The following LRRC8A variants were observed in gnomAD, a reference collection of about 807,000 sequenced individuals.
LRRC8A encodes leucine rich repeat containing 8 VRAC subunit A.
In LRRC8A, 24 loss-of-function variants were observed where a neutral mutation model predicts 52.5. The observed-to-expected ratio is 0.46, with a 90% confidence interval of 0.33 to 0.64. The LOEUF (loss-of-function observed/expected upper bound fraction) is 0.64, where lower values mean the gene tolerates loss of function less well. LRRC8A is among the 30% of genes least tolerant of loss of function. The pLI, the probability that LRRC8A is intolerant of heterozygous loss-of-function variation, is 0.02. For synonymous variants in LRRC8A, 492 were observed against 494.2 expected (o/e 1.00, Z 0.06); for missense variants, 677 against 1,094.7 (o/e 0.62, Z 5.38).
chr9:128,913,976 G>A (rs145011544), intron 3 of LRRC8A, among the ~76,000 whole-genome samples: 2,122 of 152,246 alleles, frequency 0.014, 19 homozygotes, highest in Non-Finnish European at 0.021. Context: ...AGGCCGAGGC[G>A]GGCAGATCAC....
intron 3 of LRRC8A, among the ~76,000 whole-genome samples, chr9:128,912,975 A>C (rs16930763): frequency 1.1e-4 from 16 of 152,138 alleles, no homozygotes; most frequent in African/African-American, 3.9e-4. Context: ...GGTGTGTCTC[A>C]TGTCAGGTGT....
chr9:128,902,201 A>C lies in LRRC8A; in HGVS notation c.-8-4956A>C, dbSNP rs891950429. Among the ~76,000 whole-genome samples the C allele has an allele frequency of 6.6e-6, 1 of 151,186 alleles. No homozygotes were observed. The highest frequency in any genetic ancestry group is 1.5e-5 in the Non-Finnish European group (1 of 67,760). On this transcript the variant is annotated intron_variant, in intron 2 of 3. Transcript: ENST00000372600. The surrounding 1 kb of genome is among the most constrained non-coding windows in gnomAD (Gnocchi z 4.1). ...CTGAAGCAGAAGTCCCACCTTGATCATTTTTTTTTACCCCCGCTGGACCTA... is the reference window on the plus strand; with the variant it reads ...CTGAAGCAGAAGTCCCACCTTGATCCTTTTTTTTTACCCCCGCTGGACCTA...
At chr9:128,914,830 A>G (rs1392028910) in intron 3 of LRRC8A, among the ~76,000 whole-genome samples, 1 of 152,224 alleles carries the variant, frequency 6.6e-6, no homozygotes, top group African/African-American at 2.4e-5. Flanking sequence ...TCCTCGCAGC[A>G]GGGCAGGGAA....
Position 128,909,224 on chromosome 9 carries a change from T to C in LRRC8A, c.2060T>C (p.Leu687Pro). Residue 687 changes from leucine (L) to proline (P), a missense_variant, in exon 3 of 4, where the codon CTG becomes CCG. Around this residue, in one of 4 missense-constraint regions of LRRC8A, gnomAD observed 169 missense variants for 217.6 expected, o/e 0.78. Coordinates refer to ENST00000372600, the MANE Select transcript of LRRC8A (RefSeq NM_019594.4). Reference protein sequence around the residue: ...IPTQLFYCRKLRYLDLSHNNL... With the variant: ...IPTQLFYCRKPRYLDLSHNNL... ...ACCCAGCTCTTCTACTGCCGCAAGC[T>C]GCGCTACCTGGACCTCAGCCACAAC... The C allele has an allele frequency of 1.2e-6, 2 of 1,614,144 alleles. No individual in the cohort carries two copies. The highest frequency in any genetic ancestry group is 1.7e-6 in the Non-Finnish European group (2 of 1,180,040).
rs1425799942 is a variant in LRRC8A, at chr9:128,917,012, T to C, written c.*641T>C. ...CTGGAGCTTGCCTCTTCAGTATTTG[T>C]GGCAGTTTTAGTTTTTTGTTTTTTT... is the stretch of plus-strand genomic sequence containing the variant. On this transcript the variant is annotated 3_prime_UTR_variant, in exon 4 of 4. Coordinates refer to ENST00000372600, the MANE Select transcript of LRRC8A (RefSeq NM_019594.4). 6.8e-6 allele frequency: 1 copy of C among 147,068 alleles called. No individual in the cohort carries two copies. The highest frequency in any genetic ancestry group is 2.5e-5 in the African/African-American group (1 of 39,500). The allele number at this position is 147,068 out of a possible 1,614,324, so 9.1% of individuals were successfully genotyped here. A position where few individuals can be genotyped will look rare whatever the true frequency, so the allele number is the denominator to read the frequency against.
At chr9:128,914,634 G>A (rs140438821) in intron 3 of LRRC8A, among the ~76,000 whole-genome samples, 2 of 152,318 alleles carry the variant, frequency 1.3e-5, no homozygotes, top group East Asian at 3.9e-4. Context: ...GAAAATGGGG[G>A]CGGTGATAGA....
Position 128,916,014 on chromosome 9 carries a change from TG to T in LRRC8A, c.2158-78del. The stretch of plus-strand genomic sequence containing the variant: ...GGGATCAGAAAAGATGCTGAGATCT[TG>T]GGGAGAGAGGGAAGGGAAGCCCAGA... On this transcript the variant is annotated intron_variant, in intron 3 of 3. Coordinates refer to ENST00000372600, the MANE Select transcript of LRRC8A (RefSeq NM_019594.4). The surrounding 1 kb of genome is among the most constrained non-coding windows in gnomAD (Gnocchi z 6.1). The T allele has an allele frequency of 6.7e-7, 1 of 1,485,360 alleles. No homozygotes were observed. The highest frequency in any genetic ancestry group is 9.1e-7 in the Non-Finnish European group (1 of 1,099,132). 92.0% of individuals were successfully genotyped at this position (1,485,360 alleles called of 1,614,324 possible).
chr9:128,901,937 A>G (rs1355537930), intron 2 of LRRC8A, among the ~76,000 whole-genome samples: 1 of 152,212 alleles, frequency 6.6e-6, no homozygotes, highest in Non-Finnish European at 1.5e-5. Context: ...GCCCCATCAG[A>G]GAGGGGCAGT....
At chr9:128,884,983 AT>A (rs965510725) in intron 1 of LRRC8A, 4 of 152,164 alleles carry the variant, frequency 2.6e-5, no homozygotes, top group African/African-American at 9.7e-5. Context: ...AAAAACAGCC[AT>A]CCCTCCTAGA....
At chr9:128,895,343 G>T (rs1346630206) in intron 2 of LRRC8A, among the ~76,000 whole-genome samples, 1 of 152,190 alleles carries the variant, frequency 6.6e-6, no homozygotes, top group Non-Finnish European at 1.5e-5. Context: ...AGCAAAGCAA[G>T]ACTGTCTCCA....
chr9:128,895,274 G>A (rs182697159), intron 2 of LRRC8A, among the ~76,000 whole-genome samples: 2 of 152,148 alleles, frequency 1.3e-5, no homozygotes, highest in East Asian at 1.9e-4. Context: ...ACTTGAACCC[G>A]GGAGGTGGAG....
chr9:128,909,203 A>G lies in LRRC8A; in HGVS notation c.2039A>G (p.Gln680Arg). 6.2e-7 allele frequency: 1 copy of G among 1,614,122 alleles called. No individual in the cohort carries two copies. The highest frequency in any genetic ancestry group is 8.5e-7 in the Non-Finnish European group (1 of 1,180,022). The change falls in exon 3 of 4, where the codon CAG becomes CGG. Residue 680 changes from glutamine to arginine, a missense_variant. Physicochemically the swap from Gln to Arg is conservative, Grantham distance 43. Coordinates refer to ENST00000372600, the MANE Select transcript of LRRC8A (RefSeq NM_019594.4). ...AACAAGATCGAGAAGATCCCCACCC[A>G]GCTCTTCTACTGCCGCAAGCTGCGC... ...NRNKIEKIPT[Q>R]LFYCRKLRYL...
In LRRC8A at chr9:128,911,017, C is replaced by T. The variant is rs1007902291; in HGVS notation, c.2157+1696C>T. ...CACCTGTCCTCCTTCCACCAACCTG[C>T]TGAGTCCTCCCAACAGGGTCTGTCT... On this transcript the variant is annotated intron_variant, in intron 3 of 3. Transcript: ENST00000372600. This position sits in a 1 kb window ranked among gnomAD's most constrained non-coding sequence, Gnocchi z 4.9. 2.6e-5 allele frequency among the ~76,000 whole-genome samples: 4 copies of T among 152,186 alleles called. No homozygotes were observed. Among genetic ancestry groups the T allele is most frequent in the African/African-American group, 9.7e-5 (4 of 41,440 alleles).
In LRRC8A at chr9:128,917,898, G is replaced by T. The variant is rs11542344; in HGVS notation, c.*1527G>T. 6,925 of 152,744 alleles carry T rather than the reference G, an allele frequency of 0.045. 234 individuals carry two copies. Among genetic ancestry groups the T allele is most frequent in the Non-Finnish European group, 0.068 (4,593 of 68,026 alleles). 9.5% of individuals were successfully genotyped at this position (152,744 alleles called of 1,614,324 possible). A position where few individuals can be genotyped will look rare whatever the true frequency, so the allele number is the denominator to read the frequency against. On this transcript the variant is annotated 3_prime_UTR_variant, in exon 4 of 4. Coordinates refer to ENST00000372600, the MANE Select transcript of LRRC8A (RefSeq NM_019594.4). Reference sequence around the variant, plus strand: ...TGTCCATCCGTCTGTCCGTCCATTTGTGTTTTCTGCGTCGTGTCATTGGAT... The same window carrying T: ...TGTCCATCCGTCTGTCCGTCCATTTTTGTTTTCTGCGTCGTGTCATTGGAT...
At chr9:128,912,463 GC>G (rs1840592014) in intron 3 of LRRC8A, among the ~76,000 whole-genome samples, 1 of 118,024 alleles carries the variant, frequency 8.5e-6, no homozygotes, top group Non-Finnish European at 1.7e-5. Context: ...GAGATGGGCT[GC>G]CCAGGAATGT....
At chr9:128,913,160 G>A (rs2131053378) in intron 3 of LRRC8A, among the ~76,000 whole-genome samples, 1 of 152,320 alleles carries the variant, frequency 6.6e-6, no homozygotes, top group Middle Eastern at 3.4e-3. Flanking sequence ...TGGGGCACAT[G>A]GGGCCTGGGG....
intron 1 of LRRC8A, chr9:128,882,461 G>T: frequency 2.7e-6 from 1 of 364,492 alleles, no homozygotes; most frequent in Non-Finnish European, 4.9e-6. Context: ...CGCCGGCTCC[G>T]CGGCGCGCGA....
rs969929385 is a variant in LRRC8A, at chr9:128,902,563, C to T, written c.-8-4594C>T. 6.6e-6 allele frequency among the ~76,000 whole-genome samples: 1 copy of T among 152,188 alleles called. No individual in the cohort carries two copies. The highest frequency in any genetic ancestry group is 2.4e-5 in the African/African-American group (1 of 41,456). Reference sequence around the variant, plus strand: ...CACATCCTGCCCGCTCAAACAGCCGCGCCCGCCCTGGCTGTCTCATTCCAG... The same window carrying T: ...CACATCCTGCCCGCTCAAACAGCCGTGCCCGCCCTGGCTGTCTCATTCCAG... On this transcript the variant is annotated intron_variant, in intron 2 of 3. Transcript: ENST00000372600. The surrounding 1 kb of genome is among the most constrained non-coding windows in gnomAD (Gnocchi z 4.1).
Position 128,909,184 on chromosome 9 carries a change from A to T in LRRC8A, c.2020A>T (p.Ile674Phe). 6.2e-7 allele frequency: 1 copy of T among 1,614,132 alleles called. No individual in the cohort carries two copies. The highest frequency in any genetic ancestry group is 8.5e-7 in the Non-Finnish European group (1 of 1,180,030). The part of the protein sequence containing the change: ...LERLYLNRNK[I>F]EKIPTQLFYC... Reference sequence around the variant, plus strand: ...GCGCCTCTACCTGAACCGCAACAAGATCGAGAAGATCCCCACCCAGCTCTT... The same window carrying T: ...GCGCCTCTACCTGAACCGCAACAAGTTCGAGAAGATCCCCACCCAGCTCTT... Residue 674 changes from isoleucine to phenylalanine, a missense_variant, in exon 3 of 4, where the codon ATC becomes TTC. Ile to Phe is a conservative substitution (Grantham distance 21). Coordinates refer to ENST00000372600, the MANE Select transcript of LRRC8A (RefSeq NM_019594.4).
Sources: allele counts gnomAD v4.1 joint callset (sites outside exome capture counted in the v4.1 genomes callset), GRCh38; gene constraint gnomAD v4.1.1; regional missense constraint gnomAD v4.1.1; non-coding constraint Gnocchi (gnomAD v3.1); transcripts MANE v1.5; gene names NCBI Gene and HGNC (gene_info 2026-07-23, HGNC 2026-07-21).